Variants in ADAMTS9 observed in about 807,000 individuals in gnomAD.
ADAMTS9 encodes the protein A disintegrin and metalloproteinase with thrombospondin motifs 9.
A neutral mutation model predicts 257.1 loss-of-function variants in ADAMTS9; 107 were observed. The ratio of observed to expected loss-of-function variants is 0.42; its 90% CI spans 0.36 to 0.49. ADAMTS9 has a LOEUF of 0.49. ADAMTS9 is among the 20% of genes least tolerant of loss of function. The probability of loss-of-function intolerance (pLI) is 0.03; values close to 1 mark genes in which losing one functional copy is unlikely to be tolerated. For missense variants in ADAMTS9, 2,353 were observed against 2,469.1 expected (o/e 0.95, Z 1.00); for synonymous variants, 982 against 880.9 (o/e 1.11, Z -2.03).
rs374314734 is a variant in ADAMTS9 at position 64,658,712 on chromosome 3, G to T, written c.759C>A (p.Asp253Glu). 9 of 1,613,978 alleles carry T rather than the reference G, an allele frequency of 5.6e-6. No individual in the cohort carries two copies. The highest frequency in any genetic ancestry group is 4.2e-6 in the Non-Finnish European group (5 of 1,180,022). Reference sequence around the variant, plus strand: ...CTAAGCCGCTGTTTAATGCTGCTACGTCACCAGCCAGGTTAATCCTTTCTC... The same window carrying T: ...CTAAGCCGCTGTTTAATGCTGCTACTTCACCAGCCAGGTTAATCCTTTCTC... ...KWGERINLAG[D>E]VAALNSGLAT... The change falls in exon 4 of 40, where the codon GAC (aspartate) becomes GAA (glutamate). Residue 253 changes from aspartate (D) to glutamate (E), a missense_variant. Physicochemically the swap from Asp to Glu is conservative, Grantham distance 45. This residue lies in a region of ADAMTS9 where 591 missense variants were observed against 569.6 expected (regional missense o/e 1.04). Transcript: ENST00000498707.
intron 18 of ADAMTS9, among the ~76,000 whole-genome samples, chr3:64,621,791 A>C (rs1559796401): frequency 7.6e-6 from 1 of 132,256 alleles, no homozygotes; most frequent in Non-Finnish European, 1.6e-5. Flanking sequence ...AAAATAAAAA[A>C]ATAAAAAGAA....
intron 12 of ADAMTS9, among the ~76,000 whole-genome samples, chr3:64,639,299 T>G (rs1700577498): frequency 6.9e-6 from 1 of 144,212 alleles, no homozygotes; most frequent in Non-Finnish European, 1.5e-5. Flanking sequence ...GATTGTTTTT[T>G]TTTTTTTTTT....
chr3:64,596,800 T>C (rs1397779734), intron 27 of ADAMTS9, 30 bp downstream of exon 27: 4 of 1,612,258 alleles, frequency 2.5e-6, no homozygotes, highest in African/African-American at 1.3e-5. Context: ...ACAATTCCTC[T>C]GTATTTATAG....
chr3:64,660,081 T>C (rs1298321189), intron 3 of ADAMTS9, among the ~76,000 whole-genome samples: 3 of 152,182 alleles, frequency 2.0e-5, no homozygotes, highest in Non-Finnish European at 4.4e-5. Context: ...CCTGCCAAAA[T>C]ATACTTTGAG....
intron 10 of ADAMTS9, 28 bp downstream of exon 10, chr3:64,649,608 GA>G: frequency 1.3e-6 from 2 of 1,577,514 alleles, no homozygotes; most frequent in South Asian, 2.3e-5. Context: ...ATCAGTAGAT[GA>G]GGGCAGAAGT....
chr3:64,685,545 C>T (rs910391548), intron 2 of ADAMTS9, among the ~76,000 whole-genome samples: 2 of 152,164 alleles, frequency 1.3e-5, no homozygotes, highest in South Asian at 2.1e-4. Context: ...CACCCTTGCT[C>T]GGGCCAGAAC....
At chr3:64,547,861 T>C (rs2083223012) in intron 31 of ADAMTS9, among the ~76,000 whole-genome samples, 1 of 152,186 alleles carries the variant, frequency 6.6e-6, no homozygotes, top group African/African-American at 2.4e-5. Context: ...AGCTAAGTTT[T>C]TTTTTTTATC....
intron 21 of ADAMTS9, 123 bp downstream of exon 21, chr3:64,615,198 G>C: frequency 8.6e-7 from 1 of 1,168,018 alleles, no homozygotes; most frequent in Non-Finnish European, 1.2e-6. Context: ...TTTCTCAAGG[G>C]AGACAAGGGA....
At chr3:64,546,092 A>T (rs2083194482) in intron 32 of ADAMTS9, among the ~76,000 whole-genome samples, 1 of 152,234 alleles carries the variant, frequency 6.6e-6, no homozygotes, top group Non-Finnish European at 1.5e-5. Context: ...TGTAACTCTT[A>T]TGAGTATCAG....
In ADAMTS9 at chr3:64,622,567, A is replaced by G; in HGVS notation, c.2409T>C (p.Gly803=). ...CAAAGTTTCCATTTAGCAAGAATTC[A>G]CCTTTACTGCTTGATAAAGCTGTAG... ...DNYLALSSSK[G]EFLLNGNFVV... is the part of the protein sequence containing the mutation. The change falls in exon 17 of 40, where the codon GGT becomes GGC. Residue 803 remains glycine (G), a synonymous_variant. Transcript: ENST00000498707. 4 of 1,614,058 alleles carry G rather than the reference A, an allele frequency of 2.5e-6. No homozygotes were observed. Among genetic ancestry groups the G allele is most frequent in the Non-Finnish European group, 3.4e-6 (4 of 1,179,962 alleles).
chr3:64,607,120 T>C lies in ADAMTS9; in HGVS notation c.3355-41A>G, dbSNP rs754610643. On this transcript the variant is annotated intron_variant, in intron 22 of 39. Coordinates refer to ENST00000498707, the MANE Select transcript of ADAMTS9 (RefSeq NM_182920.2). ...CAAAAGGTATATACAATTCAGCAAA[T>C]CTTCTCTTTCCCTTACTTTCCCCAT... is the stretch of plus-strand genomic sequence containing the variant. 5.0e-6 allele frequency: 8 copies of C among 1,604,960 alleles called. 1 individual carries two copies. In the Middle Eastern group the frequency reaches 5.1e-4, roughly 102 times the overall value.
chr3:64,559,368 G>T (rs986786354), intron 30 of ADAMTS9, among the ~76,000 whole-genome samples: 9 of 152,094 alleles, frequency 5.9e-5, no homozygotes, highest in Admixed American at 4.6e-4. Flanking sequence ...AATACCATAG[G>T]AATATCATAG....
chr3:64,552,540 T>C (rs1253459900), intron 30 of ADAMTS9, among the ~76,000 whole-genome samples: 1 of 152,098 alleles, frequency 6.6e-6, no homozygotes, highest in Admixed American at 6.6e-5. Context: ...GTGATTTTTG[T>C]TGTGTGGTCA....
At chr3:64,574,653 A>C (rs1293824274) in intron 28 of ADAMTS9, among the ~76,000 whole-genome samples, 2 of 151,314 alleles carry the variant, frequency 1.3e-5, no homozygotes, top group African/African-American at 4.9e-5. Context: ...GCATTGATTG[A>C]GCCTAGGGGT....
intron 15 of ADAMTS9, 31 bp from the exon 16 acceptor site, chr3:64,631,581 C>G (rs1559801156): frequency 2.6e-6 from 4 of 1,544,182 alleles, no homozygotes; most frequent in Non-Finnish European, 3.6e-6. Flanking sequence ...ATTCAGTACT[C>G]CACAGAATGG....
chr3:64,681,862 T>C (rs1172175902), intron 2 of ADAMTS9, among the ~76,000 whole-genome samples: 2 of 152,164 alleles, frequency 1.3e-5, no homozygotes, highest in African/African-American at 4.8e-5. Context: ...CTCTAAGAAA[T>C]ACTTCCTTAG....
chr3:64,658,169 G>A (rs1011532128), intron 4 of ADAMTS9, among the ~76,000 whole-genome samples: 2 of 152,152 alleles, frequency 1.3e-5, no homozygotes, highest in Non-Finnish European at 1.5e-5. Flanking sequence ...ACCTGACCAT[G>A]GGCAAGTGAC....
intron 28 of ADAMTS9, among the ~76,000 whole-genome samples, chr3:64,579,760 T>C (rs1345602293): frequency 6.6e-6 from 1 of 152,212 alleles, no homozygotes; most frequent in African/African-American, 2.4e-5. Flanking sequence ...CAATGCTCAG[T>C]TTATTGTTAG....
rs550286142 is a variant in ADAMTS9, at chr3:64,618,993, C to A, written c.2813+2121G>T. Among the ~76,000 whole-genome samples the A allele has an allele frequency of 8.5e-5, 13 of 152,262 alleles. No homozygotes were observed. In the South Asian group the frequency reaches 2.3e-3, roughly 27 times the overall value. ...AAATAGTGGCTCACTTTGGAATCTG[C>A]TCAAAGTGAAAAATAGTTTTTCAAA... On this transcript the variant is annotated intron_variant, in intron 19 of 39. Transcript: ENST00000498707.
Sources: gnomAD v4.1 joint callset for allele counts (sites outside exome capture counted in the v4.1 genomes callset) on GRCh38, gnomAD v4.1.1 for gene constraint, gnomAD v4.1.1 regional missense constraint, MANE v1.5 for transcripts, NCBI Gene and HGNC (gene_info 2026-07-23, HGNC 2026-07-21) for gene names.